CACNA1E: variants seen among roughly 807,000 people sequenced by gnomAD.
The protein encoded by CACNA1E is voltage-dependent R-type calcium channel subunit alpha-1E.
A neutral mutation model predicts 259.2 loss-of-function variants in CACNA1E; 40 were observed. The ratio of observed to expected loss-of-function variants is 0.15; its 90% CI spans 0.12 to 0.20. The LOEUF (loss-of-function observed/expected upper bound fraction) is 0.20. Among genes scored for constraint, CACNA1E ranks in the 10% least tolerant of loss-of-function variants. The probability of loss-of-function intolerance (pLI) is 1.00; values close to 1 mark genes in which losing one functional copy is unlikely to be tolerated. For missense variants in CACNA1E, 1,874 were observed against 3,040.1 expected, an observed-to-expected ratio of 0.62 and a Z score of 9.02; for synonymous variants, 1,104 against 1,138.5, an observed-to-expected ratio of 0.97 and a Z score of 0.61.
At chr1:181,347,781 A>G (rs888822359) in intron 1 of CACNA1E, among the ~76,000 whole-genome samples, 3 of 152,372 alleles carry the variant, frequency 2.0e-5, no homozygotes, top group African/African-American at 7.2e-5. Flanking sequence ...GATGGGGGAT[A>G]GCCCCTTCAC....
At chr1:181,337,683 G>A (rs1270071017) in intron 1 of CACNA1E, among the ~76,000 whole-genome samples, 1 of 152,128 alleles carries the variant, frequency 6.6e-6, no homozygotes, top group African/African-American at 2.4e-5. Flanking sequence ...TGTCTAAAAT[G>A]AGAGTATCTC....
At chr1:181,373,822 G>GC (rs1654892393) in intron 1 of CACNA1E, among the ~76,000 whole-genome samples, 1 of 152,150 alleles carries the variant, frequency 6.6e-6, no homozygotes, top group Non-Finnish European at 1.5e-5. Context: ...ACCGTGCCTG[G>GC]CCCAAGGTAG....
intron 2 of CACNA1E, among the ~76,000 whole-genome samples, chr1:181,437,802 G>T (rs985529234): frequency 1.3e-5 from 2 of 151,982 alleles, no homozygotes; most frequent in African/African-American, 2.4e-5. Flanking sequence ...CTCTGTCTAT[G>T]CTCACTCCCA....
Position 181,802,186 on chromosome 1 carries a change from A to G in CACNA1E, c.*3352A>G, listed in dbSNP as rs1662326223. 6.6e-6 allele frequency: 1 copy of G among 152,166 alleles called. No individual in the cohort carries two copies. The highest frequency in any genetic ancestry group is 2.4e-5 in the African/African-American group (1 of 41,428). The allele number at this position is 152,166 out of a possible 1,614,324, so 9.4% of individuals were successfully genotyped here. A position where few individuals can be genotyped will look rare whatever the true frequency, so the allele number is the denominator to read the frequency against. On this transcript the variant is annotated 3_prime_UTR_variant, in exon 48 of 48. Coordinates refer to ENST00000367573, the MANE Select transcript of CACNA1E (RefSeq NM_001205293.3). ...GCTAGCATCCCCTTGGCTCCACATG[A>G]GTCATGAACACAATTGTCAGTGGGG... is the stretch of plus-strand genomic sequence containing the variant.
At chr1:181,336,485 G>A (rs1651720667) in intron 1 of CACNA1E, among the ~76,000 whole-genome samples, 1 of 152,126 alleles carries the variant, frequency 6.6e-6, no homozygotes, top group Non-Finnish European at 1.5e-5. Flanking sequence ...TTTAGGCCTA[G>A]CACAGCTGAC....
At chr1:181,580,927 T>C (rs1651453413) in intron 6 of CACNA1E, among the ~76,000 whole-genome samples, 151 bp downstream of exon 6, 1 of 152,220 alleles carries the variant, frequency 6.6e-6, no homozygotes, top group Admixed American at 6.5e-5. Context: ...GGGATAAGCC[T>C]TAGCAGTTCA....
intron 46 of CACNA1E, 46 bp downstream of exon 46, chr1:181,795,090 C>T (rs774298380): frequency 2.0e-6 from 3 of 1,514,378 alleles, no homozygotes; most frequent in Non-Finnish European, 2.7e-6. Flanking sequence ...GCAGTGGGCT[C>T]CTGCCCTGAT....
At chr1:181,424,979 C>T (rs1659052278) in intron 2 of CACNA1E, among the ~76,000 whole-genome samples, 1 of 152,214 alleles carries the variant, frequency 6.6e-6, no homozygotes, top group Non-Finnish European at 1.5e-5. Flanking sequence ...CTTCAGTCTT[C>T]TGAACATGTC....
At chr1:181,774,654 AAAG>A (rs1287766775) in intron 37 of CACNA1E, among the ~76,000 whole-genome samples, 1 of 152,096 alleles carries the variant, frequency 6.6e-6, no homozygotes, top group Non-Finnish European at 1.5e-5. Flanking sequence ...CAGCAGGAGA[AAAG>A]AAGGAAGAGA....
At chr1:181,526,163 G>T (rs1043459561) in intron 3 of CACNA1E, among the ~76,000 whole-genome samples, 4 of 152,114 alleles carry the variant, frequency 2.6e-5, no homozygotes, top group African/African-American at 9.7e-5. Context: ...GCTAATCACT[G>T]CATTAAACAT....
chr1:181,605,703 C>T (rs1397267652), intron 6 of CACNA1E, among the ~76,000 whole-genome samples: 1 of 152,158 alleles, frequency 6.6e-6, no homozygotes, highest in Non-Finnish European at 1.5e-5. Flanking sequence ...GGAGGCAGTT[C>T]CTGGGTTCCA....
chr1:181,714,730 T>A (rs1324251817), intron 8 of CACNA1E, among the ~76,000 whole-genome samples: 1 of 152,250 alleles, frequency 6.6e-6, no homozygotes, highest in African/African-American at 2.4e-5. Flanking sequence ...GACAAATTCA[T>A]GATTGGCCCA....
At chr1:181,633,220 C>T (rs1231333937) in intron 6 of CACNA1E, among the ~76,000 whole-genome samples, 5 of 152,132 alleles carry the variant, frequency 3.3e-5, no homozygotes, top group Admixed American at 3.3e-4. Context: ...AAGGGTGCAG[C>T]AGCTGGGGAA....
chr1:181,571,352 G>A (rs994755151), intron 3 of CACNA1E, among the ~76,000 whole-genome samples: 3 of 152,176 alleles, frequency 2.0e-5, no homozygotes, highest in Non-Finnish European at 4.4e-5. Context: ...GAAGTAGAAT[G>A]TCATCTGGGC....
intron 2 of CACNA1E, among the ~76,000 whole-genome samples, chr1:181,452,119 A>G (rs1050195882): frequency 4.6e-5 from 7 of 152,200 alleles, no homozygotes; most frequent in Non-Finnish European, 1.0e-4. Flanking sequence ...GGCTTAGTCA[A>G]TCAATTTGCC....
chr1:181,461,739 AC>A (rs1180873889), intron 2 of CACNA1E, among the ~76,000 whole-genome samples: 12 of 151,896 alleles, frequency 7.9e-5, no homozygotes, highest in African/African-American at 2.9e-4. Flanking sequence ...GCTGATGTGA[AC>A]AACTCATATG....
At chr1:181,666,365 C>T (rs1648225535) in intron 7 of CACNA1E, among the ~76,000 whole-genome samples, 2 of 152,100 alleles carry the variant, frequency 1.3e-5, no homozygotes, top group Admixed American at 1.3e-4. Flanking sequence ...AAACAAAAAT[C>T]CCTGCCCTCA....
chr1:181,537,552 G>A (rs145412754), intron 3 of CACNA1E, among the ~76,000 whole-genome samples: 1 of 152,166 alleles, frequency 6.6e-6, no homozygotes, highest in Non-Finnish European at 1.5e-5. Context: ...TTGGTGGAAG[G>A]GGGGAGAGGT....
At chr1:181,785,680 A>G in intron 42 of CACNA1E, 33 bp from the exon 43 acceptor site, 2 of 1,388,162 alleles carry the variant, frequency 1.4e-6, no homozygotes, top group Non-Finnish European at 2.1e-6. Context: ...AGTCATTGGA[A>G]TTCTTTCCTT....
Sources: gnomAD v4.1 joint callset for allele counts (sites outside exome capture counted in the v4.1 genomes callset) on GRCh38, gnomAD v4.1.1 for gene constraint, MANE v1.5 for transcripts, NCBI Gene and HGNC (gene_info 2026-07-23, HGNC 2026-07-21) for gene names.